CLEC18A: variants seen among roughly 807,000 people sequenced by gnomAD.
CLEC18A encodes C-type lectin domain family 18 member A, also known as mannose receptor-like 1.
Under a neutral mutation model 24.0 loss-of-function variants are expected in CLEC18A, and 5 were observed. The observed-to-expected ratio is 0.21, with a 90% CI of 0.11 to 0.44. CLEC18A has a LOEUF of 0.44. CLEC18A is among the 20% of genes least tolerant of loss of function. CLEC18A has a pLI of 0.99. For synonymous variants in CLEC18A, 29 were observed against 100.1 expected (o/e 0.29, Z 4.24); for missense variants, 83 against 233.4 (o/e 0.36, Z 4.20).
rs750979365 is a variant in CLEC18A, at chr16:69,954,485, T to G, written c.368T>G (p.Val123Gly). 1.2e-5 allele frequency: 20 copies of G among 1,611,496 alleles called. No homozygotes were observed. The highest frequency in any genetic ancestry group is 1.7e-5 in the Non-Finnish European group (20 of 1,178,616). The change falls in exon 3 of 12, where the codon GTG (valine) becomes GGG (glycine). Residue 123 changes from valine to glycine, a missense_variant. Val to Gly is a moderately radical substitution (Grantham distance 109, BLOSUM62 -3). Transcript: ENST00000288040. ...GCGGGCTTGGTGTCCTTTGTCGAAG[T>G]GGTCAGCCTATGGTTTGCAGAGGGG... is the stretch of plus-strand genomic sequence containing the variant. ...LPAGLVSFVE[V>G]VSLWFAEGQR...
chr16:69,950,361 T>G (rs1429970784), upstream of CLEC18A, among the ~76,000 whole-genome samples: 2 of 128,794 alleles, frequency 1.6e-5, no homozygotes, highest in African/African-American at 5.0e-5. Context: ...CCTTTGGTCT[T>G]CCCCGAGAGG....
At chr16:69,952,411 G>T (rs896410677) in intron 2 of CLEC18A, 1 of 300,012 alleles carries the variant, frequency 3.3e-6, no homozygotes, top group African/African-American at 2.3e-5. Context: ...ACAGAGACCA[G>T]GAGCCACAGG....
In CLEC18A at chr16:69,954,348, C is replaced by G; in HGVS notation, c.231C>G (p.Ser77Arg). The change falls in exon 3 of 12, where the codon AGC becomes AGG. Residue 77 changes from serine (S) to arginine (R), a missense_variant. Ser to Arg is a moderately radical substitution (Grantham distance 110). Coordinates refer to ENST00000288040, the MANE Select transcript of CLEC18A (RefSeq NM_001370523.4). The part of the protein sequence containing the change: ...ADMRRLDWSD[S>R]LAQLAQARAA... ...GCTGCCCCCAGGACTGGAGTGACAG[C>G]CTGGCCCAGCTGGCTCAAGCCAGGG... is the stretch of plus-strand genomic sequence containing the variant. 6.3e-7 allele frequency: 1 copy of G among 1,587,484 alleles called. No homozygotes were observed. Among genetic ancestry groups the G allele is most frequent in the African/African-American group, 1.3e-5 (1 of 74,794 alleles).
At chr16:69,945,582 C>A in the CLEC18A span, among the ~76,000 whole-genome samples, 2 of 152,260 alleles carry the variant, frequency 1.3e-5, no homozygotes, top group Non-Finnish European at 2.9e-5. Flanking sequence ...TCAAGGGATC[C>A]TCTTGCCTCA....
Position 69,954,544 on chromosome 16 carries a change from C to A in CLEC18A, c.427C>A (p.Arg143Ser). 1.9e-6 allele frequency: 3 copies of A among 1,611,974 alleles called. No homozygotes were observed. Residue 143 changes from arginine to serine, a missense_variant, in exon 3 of 12, where the codon CGC becomes AGC. Arg to Ser is a moderately radical substitution (Grantham distance 110, BLOSUM62 -1). Around this residue, in one of 3 missense-constraint regions of CLEC18A, gnomAD observed 71 missense variants for 107.4 expected, o/e 0.66. Coordinates refer to ENST00000288040, the MANE Select transcript of CLEC18A (RefSeq NM_001370523.4). ...RYSHAAGECA[R>S]NATCTHYTQL... ...CAGCCACGCGGCAGGAGAGTGTGCTCGCAACGCCACCTGCACCCACTACAC... is the reference window on the plus strand; with the variant it reads ...CAGCCACGCGGCAGGAGAGTGTGCTAGCAACGCCACCTGCACCCACTACAC...
chr16:69,964,326 G>C (rs1444943437), downstream of CLEC18A: 6 of 150,134 alleles, frequency 4.0e-5, no homozygotes, highest in African/African-American at 1.5e-4. Flanking sequence ...GTGCAGTCCC[G>C]CTCCCTCACC....
downstream of CLEC18A, among the ~76,000 whole-genome samples, chr16:69,966,246 T>C (rs1959389927): frequency 6.6e-6 from 1 of 150,634 alleles, no homozygotes; most frequent in Non-Finnish European, 1.5e-5. Context: ...TTGGATCTGC[T>C]TCTTTGAAAG....
chr16:69,943,531 C>T, the CLEC18A span, among the ~76,000 whole-genome samples: 3,454 of 152,276 alleles, frequency 0.023, 53 homozygotes, highest in Middle Eastern at 0.092. Flanking sequence ...TACCTCCTTA[C>T]GAGTGGAATC....
At chr16:69,945,413 A>C in the CLEC18A span, among the ~76,000 whole-genome samples, 2 of 152,260 alleles carry the variant, frequency 1.3e-5, no homozygotes, top group African/African-American at 2.4e-5. Flanking sequence ...GCAAGTTTTG[A>C]AATCAGGTAG....
At chr16:69,948,490 A>C (rs1163274784), upstream of CLEC18A, among the ~76,000 whole-genome samples, 2 of 151,842 alleles carry the variant, frequency 1.3e-5, no homozygotes, top group Non-Finnish European at 2.9e-5. Context: ...TAACCTTCAA[A>C]TGCAGACTGG....
upstream of CLEC18A, among the ~76,000 whole-genome samples, chr16:69,946,205 C>T (rs1157625760): frequency 2.4e-5 from 3 of 122,488 alleles, no homozygotes; most frequent in Non-Finnish European, 5.3e-5. Flanking sequence ...ACCCAGGAGG[C>T]GGAGGTTGCA....
chr16:69,958,761 AT>A (rs2059062119), intron 3 of CLEC18A, among the ~76,000 whole-genome samples, 180 bp from the exon 4 acceptor site: 3 of 131,846 alleles, frequency 2.3e-5, no homozygotes, highest in South Asian at 2.6e-4. Flanking sequence ...AAATAAATAA[AT>A]AAATAAGCCT....
chr16:69,964,749 C>G (rs2152022485), downstream of CLEC18A, among the ~76,000 whole-genome samples: 1 of 151,600 alleles, frequency 6.6e-6, no homozygotes. Context: ...GTGATCCACC[C>G]GCCTCGGCCT....
At chr16:69,966,511 G>T (rs904930471), downstream of CLEC18A, among the ~76,000 whole-genome samples, 13 of 143,438 alleles carry the variant, frequency 9.1e-5, 1 homozygote, top group East Asian at 2.0e-4. Context: ...CGCCAAGACA[G>T]CTTACAAATG....
chr16:69,964,868 C>T (rs645344), downstream of CLEC18A, among the ~76,000 whole-genome samples: 127 of 151,990 alleles, frequency 8.4e-4, no homozygotes, highest in African/African-American at 2.7e-3. Flanking sequence ...GGGGTGCAAT[C>T]GGGCTTCACT....
At position 69,954,398 on chromosome 16, in the gene CLEC18A, C is replaced by G. The variant is rs765753592; in HGVS notation, c.281C>G (p.Pro94Arg). 4.3e-6 allele frequency: 7 copies of G among 1,610,128 alleles called. No individual in the cohort carries two copies. In the African/African-American group the frequency reaches 6.7e-5, roughly 15 times the overall value. ...GCAGCCCTCTGTGGAACCCCAACCCCGAGCCTGGCGTCCGGCCTGTGGCGC... is the reference window on the plus strand; with the variant it reads ...GCAGCCCTCTGTGGAACCCCAACCCGGAGCCTGGCGTCCGGCCTGTGGCGC... ...ARAALCGTPT[P>R]SLASGLWRTL... Residue 94 changes from proline (P) to arginine (R), a missense_variant, in exon 3 of 12, where the codon CCG becomes CGG. This residue lies in a region of CLEC18A where 71 missense variants were observed against 107.4 expected (regional missense o/e 0.66). Transcript: ENST00000288040.
intron 3 of CLEC18A, among the ~76,000 whole-genome samples, chr16:69,955,808 C>T (rs2059026410): frequency 1.3e-5 from 2 of 149,998 alleles, no homozygotes; most frequent in Admixed American, 6.6e-5. Flanking sequence ...AGCAAGTTTC[C>T]ATTTTTTCTC....
downstream of CLEC18A, among the ~76,000 whole-genome samples, chr16:69,965,688 C>T (rs1160606264): frequency 7.0e-6 from 1 of 142,720 alleles, no homozygotes; most frequent in Non-Finnish European, 1.5e-5. Flanking sequence ...AACTGGGGCG[C>T]CTCCAGTCAC....
chr16:69,957,321 C>T (rs1457125333), intron 3 of CLEC18A, among the ~76,000 whole-genome samples: 13 of 138,600 alleles, frequency 9.4e-5, no homozygotes, highest in Non-Finnish European at 2.0e-4. Flanking sequence ...GCCACCATGC[C>T]TGGCTAATTT....
Sources: gnomAD v4.1 joint callset for allele counts (sites outside exome capture counted in the v4.1 genomes callset) on GRCh38, gnomAD v4.1.1 for gene constraint, gnomAD v4.1.1 regional missense constraint, MANE v1.5 for transcripts, NCBI Gene and HGNC (gene_info 2026-07-23, HGNC 2026-07-21) for gene names.